Variants in EVI5 observed in about 807,000 individuals in gnomAD.
EVI5 encodes ecotropic viral integration site 5 protein homolog.
A neutral mutation model predicts 112.0 loss-of-function variants in EVI5; 73 were observed. The ratio of observed to expected loss-of-function variants is 0.65; its 90% CI spans 0.54 to 0.79. The LOEUF is 0.79. EVI5 is among the 30% of genes least tolerant of loss of function. The pLI, the probability that EVI5 is intolerant of heterozygous loss-of-function variation, is 0.00. For synonymous variants in EVI5, 305 were observed against 319.9 expected, an observed-to-expected ratio of 0.95 and a Z score of 0.50; for missense variants, 900 against 968.8, an observed-to-expected ratio of 0.93 and a Z score of 0.94.
At chr1:92,655,343 A>G (rs1385564972) in intron 13 of EVI5, among the ~76,000 whole-genome samples, 1 of 151,610 alleles carries the variant, frequency 6.6e-6, no homozygotes, top group Non-Finnish European at 1.5e-5. Context: ...TATTAAAGAA[A>G]AAAAAAAACC....
At chr1:92,673,628 G>A (rs1336907863) in intron 10 of EVI5, among the ~76,000 whole-genome samples, 5 of 152,006 alleles carry the variant, frequency 3.3e-5, no homozygotes, top group South Asian at 2.1e-4. Flanking sequence ...CACCGCGCCC[G>A]GCCAAACTAG....
intron 2 of EVI5, chr1:92,733,056 TA>T (rs777890381): frequency 0.013 from 2,259 of 174,402 alleles, no homozygotes; most frequent in South Asian, 0.034. Flanking sequence ...CCATTTTATT[TA>T]AAAAAAAAAA....
intron 2 of EVI5, among the ~76,000 whole-genome samples, chr1:92,720,778 TGACA>T (rs1674613867): frequency 6.6e-6 from 1 of 152,036 alleles, no homozygotes; most frequent in Non-Finnish European, 1.5e-5. Flanking sequence ...TCTACCCAAC[TGACA>T]AAGGGCTAAT....
intron 19 of EVI5, among the ~76,000 whole-genome samples, chr1:92,539,280 C>T (rs147692984): frequency 3.3e-5 from 5 of 152,104 alleles, no homozygotes; most frequent in African/African-American, 7.2e-5. Flanking sequence ...CAGTGGCTCA[C>T]GCCTATAATC....
At chr1:92,707,710 T>C (rs916708743) in intron 2 of EVI5, among the ~76,000 whole-genome samples, 3 of 152,148 alleles carry the variant, frequency 2.0e-5, no homozygotes, top group African/African-American at 7.2e-5. Flanking sequence ...TATAACACAT[T>C]TGAGAACTGT....
rs140780079 is a variant in EVI5, at chr1:92,677,162, A to G, written c.1154T>C (p.Ile385Thr). Residue 385 changes from isoleucine to threonine, a missense_variant, in exon 10 of 20, where the codon ATT (isoleucine) becomes ACT (threonine). By Grantham distance (89) the Ile-to-Thr change is moderately conservative. Transcript: ENST00000684568. ...KTKEMEEQVE[I>T]KRLRTENRLL... ...AAAAAGCCCCCAACTGCTTACTTTAATTTCAACTTGCTCTTCCATTTCTTT... is the reference window on the plus strand; with the variant it reads ...AAAAAGCCCCCAACTGCTTACTTTAGTTTCAACTTGCTCTTCCATTTCTTT... 3.2e-4 allele frequency: 509 copies of G among 1,583,832 alleles called. 5 individuals carry two copies. The East Asian group carries it at 9.2e-3, about 29-fold the overall frequency.
At chr1:92,670,053 AG>A (rs1665601605) in intron 10 of EVI5, among the ~76,000 whole-genome samples, 1 of 152,226 alleles carries the variant, frequency 6.6e-6, no homozygotes, top group African/African-American at 2.4e-5. Context: ...CTTGTTGCTA[AG>A]ACAAACATAC....
chr1:92,570,262 C>G (rs1194618423), intron 18 of EVI5, among the ~76,000 whole-genome samples: 1 of 152,064 alleles, frequency 6.6e-6, no homozygotes, highest in Non-Finnish European at 1.5e-5. Flanking sequence ...TAAGAATCAC[C>G]CATTTGGATA....
At chr1:92,790,786 T>TGCACTGCACC (rs1686039061) in intron 1 of EVI5, among the ~76,000 whole-genome samples, 1 of 150,310 alleles carries the variant, frequency 6.7e-6, no homozygotes, top group Non-Finnish European at 1.5e-5. Flanking sequence ...GCCAATGCAC[T>TGCACTGCACC]GCACTGCACC....
chr1:92,513,704 T>C lies in EVI5; in HGVS notation c.2433A>G (p.Gln811=), dbSNP rs745602454. The C allele has an allele frequency of 3.1e-6, 5 of 1,611,952 alleles. No individual in the cohort carries two copies. Among genetic ancestry groups the C allele is most frequent in the Non-Finnish European group, 2.5e-6 (3 of 1,178,986 alleles). ...CTCTTCTTCTCGGGGGCCGCTCCTT[T>C]TGAACCACTTGGTTGCTCTCTCTGG... ...LETRESNQVV[Q]KERPPRRRES... The change falls in exon 20 of 20, where the codon CAA becomes CAG. Residue 811 remains glutamine (Q), a synonymous_variant. Coordinates refer to ENST00000684568, the MANE Select transcript of EVI5 (RefSeq NM_001350197.2).
chr1:92,687,071 C>T (rs1444478555), intron 9 of EVI5, among the ~76,000 whole-genome samples: 1 of 152,130 alleles, frequency 6.6e-6, no homozygotes, highest in Non-Finnish European at 1.5e-5. Context: ...AAAAAGAGCC[C>T]ACATTGCCGA....
At chr1:92,661,550 T>C (rs1279576833) in intron 13 of EVI5, among the ~76,000 whole-genome samples, 1 of 152,168 alleles carries the variant, frequency 6.6e-6, no homozygotes, top group Non-Finnish European at 1.5e-5. Context: ...AAATTCCTAA[T>C]ATAAATCCAC....
At chr1:92,639,514 G>T (rs143011689) in intron 13 of EVI5, among the ~76,000 whole-genome samples, 2 of 151,850 alleles carry the variant, frequency 1.3e-5, no homozygotes, top group African/African-American at 4.8e-5. Flanking sequence ...TTAGAAAAAG[G>T]GTTGTCCATG....
chr1:92,620,670 T>C (rs927063699), intron 16 of EVI5, among the ~76,000 whole-genome samples: 8 of 152,020 alleles, frequency 5.3e-5, no homozygotes, highest in Admixed American at 5.2e-4. Context: ...ATCCTGCAAA[T>C]ATATCTTTTA....
At position 92,562,559 on chromosome 1, in the gene EVI5, A is replaced by G. The variant is rs117705962; in HGVS notation, c.2166+1083T>C. Among the ~76,000 whole-genome samples, 189 of 152,244 alleles carry G rather than the reference A, an allele frequency of 1.2e-3. 5 individuals are homozygous for G. In the East Asian group the frequency reaches 0.029, roughly 24 times the overall value. ...AAAAAATTATAATAAATACACACAA[A>G]TAGGTAAAGATTATATGTAAGATCC... On this transcript the variant is annotated intron_variant, in intron 19 of 19. Transcript: ENST00000684568.
At chr1:92,687,317 T>G (rs1668719364) in intron 9 of EVI5, among the ~76,000 whole-genome samples, 1 of 152,178 alleles carries the variant, frequency 6.6e-6, no homozygotes, top group African/African-American at 2.4e-5. Context: ...TAAATGATGC[T>G]GGGAAAACTG....
At chr1:92,520,042 G>A (rs1336264715) in intron 19 of EVI5, among the ~76,000 whole-genome samples, 1 of 152,034 alleles carries the variant, frequency 6.6e-6, no homozygotes, top group Non-Finnish European at 1.5e-5. Flanking sequence ...GACTGGGGGA[G>A]AGAAAAGAAA....
chr1:92,555,406 A>G (rs1032430661), intron 19 of EVI5, among the ~76,000 whole-genome samples: 1 of 152,178 alleles, frequency 6.6e-6, no homozygotes, highest in Non-Finnish European at 1.5e-5. Context: ...TTTAATTCTT[A>G]TTTCTGTTTC....
rs2391176 is a variant in EVI5 at position 92,599,548 on chromosome 1, A to G, written c.2070+5759T>C. On this transcript the variant is annotated intron_variant, in intron 18 of 19. Coordinates refer to ENST00000684568, the MANE Select transcript of EVI5 (RefSeq NM_001350197.2). ...TCTATATATCTATATTTATATAGAC[A>G]TATACATATAATTAAATATTGAAAC... 2.8e-3 allele frequency among the ~76,000 whole-genome samples: 419 copies of G among 152,220 alleles called. 6 individuals carry two copies. The highest frequency in any genetic ancestry group is 9.8e-3 in the African/African-American group (406 of 41,560).
Sources: allele counts gnomAD v4.1 joint callset (sites outside exome capture counted in the v4.1 genomes callset), GRCh38; gene constraint gnomAD v4.1.1; transcripts MANE v1.5; gene names NCBI Gene and HGNC (gene_info 2026-07-23, HGNC 2026-07-21).